The following NUP37 variants were observed in gnomAD, a reference collection of about 807,000 sequenced individuals.
The protein encoded by NUP37 is nucleoporin Nup37.
A neutral mutation model predicts 45.4 loss-of-function variants in NUP37; 33 were observed. The ratio of observed to expected loss-of-function variants is 0.73; its 90% confidence interval spans 0.55 to 0.97. The LOEUF (loss-of-function observed/expected upper bound fraction) is 0.97. Ranked by LOEUF, NUP37 falls within the 50% of genes least tolerant of loss-of-function variation. The pLI is 0.00. For missense variants in NUP37, 365 were observed against 389.7 expected, an observed-to-expected ratio of 0.94 and a Z score of 0.53; for synonymous variants, 127 against 130.7, an observed-to-expected ratio of 0.97 and a Z score of 0.19.
At chr12:102,119,692 C>T (rs1880679358) in intron 1 of NUP37, among the ~76,000 whole-genome samples, 1 of 152,062 alleles carries the variant, frequency 6.6e-6, no homozygotes, top group South Asian at 2.1e-4. Flanking sequence ...TGAAGGGTGA[C>T]CAGCAAGTGT....
chr12:102,107,385 G>A (rs964985347), intron 3 of NUP37, among the ~76,000 whole-genome samples: 1 of 152,048 alleles, frequency 6.6e-6, no homozygotes, highest in Non-Finnish European at 1.5e-5. Context: ...TGTCCTGTCA[G>A]TCTATCTCCC....
chr12:102,074,490 AAG>A, intron 9 of NUP37, 23 bp from the exon 10 acceptor site: 1 of 1,424,186 alleles, frequency 7.0e-7, no homozygotes. Flanking sequence ...TGAAGAATTA[AAG>A]AAGCACAGTA....
intron 8 of NUP37, among the ~76,000 whole-genome samples, chr12:102,076,410 A>G (rs997183175): frequency 1.2e-4 from 19 of 152,244 alleles, no homozygotes; most frequent in Non-Finnish European, 1.6e-4. Context: ...AAAAGCAAAA[A>G]CATGTCGCAG....
intron 3 of NUP37, among the ~76,000 whole-genome samples, chr12:102,111,325 C>A (rs1033327422): frequency 3.9e-5 from 6 of 152,136 alleles, no homozygotes; most frequent in Admixed American, 1.3e-4. Flanking sequence ...ACGAAACTTT[C>A]TTGGGTGACA....
At chr12:102,096,660 C>T (rs1380751772) in intron 5 of NUP37, among the ~76,000 whole-genome samples, 1 of 152,120 alleles carries the variant, frequency 6.6e-6, no homozygotes, top group East Asian at 1.9e-4. Context: ...GATATACTCT[C>T]TTGTCACATA....
intron 3 of NUP37, among the ~76,000 whole-genome samples, chr12:102,104,741 A>C (rs564042163): frequency 2.0e-5 from 3 of 152,176 alleles, no homozygotes; most frequent in Non-Finnish European, 4.4e-5. Flanking sequence ...ACCTTTGTCA[A>C]AGATCATTTG....
chr12:102,086,154 T>C (rs541039962), intron 5 of NUP37, among the ~76,000 whole-genome samples: 1 of 152,320 alleles, frequency 6.6e-6, no homozygotes, highest in Admixed American at 6.5e-5. Context: ...ATATACTCTT[T>C]ATTTTGTGGG....
chr12:102,119,800 G>C (rs1444210231), intron 1 of NUP37, among the ~76,000 whole-genome samples: 1 of 152,184 alleles, frequency 6.6e-6, no homozygotes, highest in East Asian at 1.9e-4. Flanking sequence ...CAGTGGCCGG[G>C]GCCTCACCGT....
chr12:102,086,062 T>G (rs936769322), intron 5 of NUP37, among the ~76,000 whole-genome samples: 2 of 152,192 alleles, frequency 1.3e-5, no homozygotes, highest in Non-Finnish European at 2.9e-5. Flanking sequence ...ACCATAATCA[T>G]GGACAAAAGA....
At chr12:102,074,498 C>G (rs751547525) in intron 9 of NUP37, 31 bp from the exon 10 acceptor site, 12 of 1,228,332 alleles carry the variant, frequency 9.8e-6, no homozygotes, top group Non-Finnish European at 1.4e-5. Flanking sequence ...TAAAGAAGCA[C>G]AGTAAGTCCC....
intron 3 of NUP37, among the ~76,000 whole-genome samples, chr12:102,108,023 CATAT>C (rs1056466668): frequency 6.6e-6 from 1 of 152,184 alleles, no homozygotes; most frequent in African/African-American, 2.4e-5. Context: ...TTAAAATGCA[CATAT>C]ATACTCTGTG....
rs115536492 is a variant in NUP37, at chr12:102,111,301, T to C, written c.281+807A>G. On this transcript the variant is annotated intron_variant, in intron 3 of 9. Coordinates refer to ENST00000552283, the MANE Select transcript of NUP37 (RefSeq NM_024057.4). Reference sequence around the variant, plus strand: ...CAGGGAGTGGGGTACAATGATTAACTGGGAAGAAGTATGACGAAACTTTCT... The same window carrying C: ...CAGGGAGTGGGGTACAATGATTAACCGGGAAGAAGTATGACGAAACTTTCT... Among the ~76,000 whole-genome samples the C allele has an allele frequency of 5.6e-3, 854 of 152,264 alleles. 7 individuals carry two copies. The highest frequency in any genetic ancestry group is 0.02 in the African/African-American group (816 of 41,554).
Position 102,073,135 on chromosome 12 carries a change from C to A in NUP37, c.*1219G>T, listed in dbSNP as rs976954880. 3.3e-5 allele frequency: 5 copies of A among 152,130 alleles called. No homozygotes were observed. Among genetic ancestry groups the A allele is most frequent in the African/African-American group, 9.7e-5 (4 of 41,436 alleles). 9.4% of individuals were successfully genotyped at this position (152,130 alleles called of 1,614,324 possible). On this transcript the variant is annotated 3_prime_UTR_variant, in exon 10 of 10. Transcript: ENST00000552283. Reference sequence around the variant, plus strand: ...ATTCACCTTTATTTAATCTTTACAGCAACTCCACAAAATAATGATTCCTAT... The same window carrying A: ...ATTCACCTTTATTTAATCTTTACAGAAACTCCACAAAATAATGATTCCTAT...
At chr12:102,106,535 T>A (rs2136747945) in intron 3 of NUP37, among the ~76,000 whole-genome samples, 1 of 152,352 alleles carries the variant, frequency 6.6e-6, no homozygotes, top group Admixed American at 6.5e-5. Context: ...TAGATTAGTT[T>A]ACTTCTAATG....
At chr12:102,079,166 C>T (rs1221699246) in intron 6 of NUP37, 2 of 454,258 alleles carry the variant, frequency 4.4e-6, no homozygotes, top group Admixed American at 4.7e-5. Context: ...ATCAAAACTC[C>T]TGAGCTGTAC....
chr12:102,077,571 G>C, intron 6 of NUP37, 68 bp from the exon 7 acceptor site: 1 of 1,383,376 alleles, frequency 7.2e-7, no homozygotes, highest in African/African-American at 1.4e-5. Flanking sequence ...AGTGTAAGCA[G>C]AGATTCACTG....
At chr12:102,118,332 A>G (rs924715032) in intron 2 of NUP37, 31 bp downstream of exon 2, 2 of 1,586,322 alleles carry the variant, frequency 1.3e-6, no homozygotes, top group African/African-American at 1.3e-5. Context: ...AAATATGTTC[A>G]CTGTCATTCG....
intron 5 of NUP37, among the ~76,000 whole-genome samples, chr12:102,088,361 C>G (rs1396965706): frequency 6.6e-6 from 1 of 151,744 alleles, no homozygotes; most frequent in East Asian, 1.9e-4. Context: ...TTGAAGTATA[C>G]CATATATAAT....
At chr12:102,082,394 G>A (rs963016364) in intron 6 of NUP37, among the ~76,000 whole-genome samples, 5 of 152,134 alleles carry the variant, frequency 3.3e-5, no homozygotes, top group Non-Finnish European at 7.3e-5. Flanking sequence ...TGAAACGACT[G>A]TAGAGCACTG....
Sources: gnomAD v4.1 joint callset for allele counts (sites outside exome capture counted in the v4.1 genomes callset) on GRCh38, gnomAD v4.1.1 for gene constraint, MANE v1.5 for transcripts, NCBI Gene and HGNC (gene_info 2026-07-23, HGNC 2026-07-21) for gene names.